Variants in HSD11B1 observed in about 807,000 individuals in gnomAD.
HSD11B1 encodes the protein 11-beta-hydroxysteroid dehydrogenase 1.
In HSD11B1, 15 loss-of-function variants were observed where a neutral mutation model predicts 22.1. The ratio of observed to expected loss-of-function variants is 0.68; its 90% confidence interval spans 0.45 to 1.04. The LOEUF (loss-of-function observed/expected upper bound fraction) is 1.04, where lower values mean the gene tolerates loss of function less well. Ranked by LOEUF, HSD11B1 falls within the 50% of genes least tolerant of loss-of-function variation. The probability of loss-of-function intolerance (pLI) is 0.00; values close to 1 mark genes in which losing one functional copy is unlikely to be tolerated. For missense variants in HSD11B1, 281 were observed against 357.6 expected (o/e 0.79, Z 1.73); for synonymous variants, 122 against 125.2 (o/e 0.97, Z 0.17).
chr1:209,714,169 T>A (rs547401670), intron 4 of HSD11B1, among the ~76,000 whole-genome samples: 72 of 152,224 alleles, frequency 4.7e-4, no homozygotes, highest in Non-Finnish European at 6.8e-4. Context: ...GCCAAGTTGT[T>A]ACTGTATTGT....
At chr1:209,711,213 G>A (rs2076892704) in intron 4 of HSD11B1, among the ~76,000 whole-genome samples, 1 of 152,148 alleles carries the variant, frequency 6.6e-6, no homozygotes, top group Non-Finnish European at 1.5e-5. Flanking sequence ...CTATAATGAT[G>A]TTTTGCATAG....
At chr1:209,700,545 G>A (rs1192917412), upstream of HSD11B1, among the ~76,000 whole-genome samples, 1 of 152,210 alleles carries the variant, frequency 6.6e-6, no homozygotes, top group Non-Finnish European at 1.5e-5. Context: ...GGGAGGGGCT[G>A]CCATGAAGGT....
chr1:209,716,366 C>T (rs1318179122), intron 4 of HSD11B1, among the ~76,000 whole-genome samples: 5 of 149,148 alleles, frequency 3.4e-5, no homozygotes, highest in East Asian at 1.9e-4. Flanking sequence ...TAAATTTAAC[C>T]GAGGAGGTGA....
chr1:209,728,353 A>G (rs2077015910), intron 4 of HSD11B1, among the ~76,000 whole-genome samples: 1 of 152,188 alleles, frequency 6.6e-6, no homozygotes, highest in African/African-American at 2.4e-5. Flanking sequence ...TTTGAATACT[A>G]ATACTGCTAA....
At chr1:209,693,329 T>C (rs2076772260) in intron 1 of HSD11B1, among the ~76,000 whole-genome samples, 1 of 152,236 alleles carries the variant, frequency 6.6e-6, no homozygotes, top group Non-Finnish European at 1.5e-5. Flanking sequence ...AGGTATATGC[T>C]GTGGTCAATA....
At chr1:209,729,543 A>G (rs1325370683) in intron 4 of HSD11B1, among the ~76,000 whole-genome samples, 28 of 152,208 alleles carry the variant, frequency 1.8e-4, no homozygotes, top group Admixed American at 1.8e-3. Context: ...CTCATGGTCC[A>G]AGATAGGTCT....
chr1:209,732,387 A>T, intron 4 of HSD11B1, 49 bp from the exon 5 acceptor site: 1 of 1,609,710 alleles, frequency 6.2e-7, no homozygotes, highest in Non-Finnish European at 8.5e-7. Context: ...CTCTGTAAGA[A>T]GGTGAAATGG....
chr1:209,723,522 C>A (rs1020796101), intron 4 of HSD11B1, among the ~76,000 whole-genome samples: 4 of 152,188 alleles, frequency 2.6e-5, no homozygotes, highest in African/African-American at 9.7e-5. Context: ...GATGGCAACA[C>A]TTTTCTGGTT....
At chr1:209,719,652 G>A (rs776850554) in intron 4 of HSD11B1, among the ~76,000 whole-genome samples, 5 of 152,158 alleles carry the variant, frequency 3.3e-5, no homozygotes, top group South Asian at 4.1e-4. Context: ...GTGAGAACGC[G>A]CAATGTTTGA....
chr1:209,700,424 G>A (rs1379999165), upstream of HSD11B1, among the ~76,000 whole-genome samples: 2 of 152,210 alleles, frequency 1.3e-5, no homozygotes, highest in African/African-American at 4.8e-5. Context: ...GCTCCTTTCA[G>A]GCTCCTTTCA....
At chr1:209,732,415 T>C (rs1049753223) in intron 4 of HSD11B1, 21 bp from the exon 5 acceptor site, 1 of 1,613,886 alleles carries the variant, frequency 6.2e-7, no homozygotes, top group Non-Finnish European at 8.5e-7. Context: ...TATTAACCCA[T>C]TTCTTTAATC....
At chr1:209,694,365 C>T (rs964879515) in intron 1 of HSD11B1, among the ~76,000 whole-genome samples, 5 of 152,176 alleles carry the variant, frequency 3.3e-5, no homozygotes, top group African/African-American at 1.2e-4. Context: ...CCAGAACTAT[C>T]TAATGGGAAA....
rs1363481053 is a variant in HSD11B1, at chr1:209,689,874, A to G, written c.-49+3589A>G. 2.0e-5 allele frequency among the ~76,000 whole-genome samples: 3 copies of G among 152,372 alleles called. No homozygotes were observed. In the East Asian group the frequency reaches 5.8e-4, roughly 29 times the overall value. On this transcript the variant is annotated intron_variant, in intron 1 of 6. Transcript: ENST00000261465. ...CAGACTAAGACACCGGGCATGGGAC[A>G]AAAGCCTTAGATACTGGAGACCTCA... is the stretch of plus-strand genomic sequence containing the variant.
intron 1 of HSD11B1, among the ~76,000 whole-genome samples, chr1:209,698,162 A>AT (rs1459227654): frequency 3.9e-5 from 5 of 127,404 alleles, no homozygotes; most frequent in Admixed American, 1.7e-4. Flanking sequence ...GATAAGATAG[A>AT]TAGATTAGAT....
chr1:209,697,883 C>CTTTTTTTTTTTTTTTT (rs1558187212), intron 1 of HSD11B1, among the ~76,000 whole-genome samples: 6 of 21,940 alleles, frequency 2.7e-4, no homozygotes, highest in African/African-American at 4.2e-4. Context: ...TTTGTTTTTT[C>CTTTTTTTTTTTTTTTT]CTTTTTTTTT....
chr1:209,719,257 G>A (rs1473712515), intron 4 of HSD11B1, among the ~76,000 whole-genome samples: 1 of 152,108 alleles, frequency 6.6e-6, no homozygotes, highest in Non-Finnish European at 1.5e-5. Flanking sequence ...CAACATGGCT[G>A]GACCTTGAGG....
At chr1:209,722,146 TAGA>T (rs1238589503) in intron 4 of HSD11B1, among the ~76,000 whole-genome samples, 2 of 152,192 alleles carry the variant, frequency 1.3e-5, no homozygotes, top group Non-Finnish European at 2.9e-5. Context: ...ATTCTTGCCT[TAGA>T]AGATGTGCTG....
chr1:209,690,885 A>G (rs1558184616), intron 1 of HSD11B1, among the ~76,000 whole-genome samples: 1 of 152,156 alleles, frequency 6.6e-6, no homozygotes, highest in Non-Finnish European at 1.5e-5. Flanking sequence ...AGCACAGAGC[A>G]AATGAAAGAG....
At position 209,732,540 on chromosome 1, in the gene HSD11B1, G is replaced by A. The variant is rs1053283682; in HGVS notation, c.622G>A (p.Val208Ile). 1 of 1,613,802 alleles carries A rather than the reference G, an allele frequency of 6.2e-7. No individual in the cohort carries two copies. Among genetic ancestry groups the A allele is most frequent in the African/African-American group, 1.3e-5 (1 of 74,894 alleles). ...RKEYSVSRVN[V>I]SITLCVLGLI... ...GGAATATTCAGTGTCCAGGGTCAAT[G>A]TATCAATCACTCTCTGTGTTCTTGG... Residue 208 changes from valine (V) to isoleucine (I), a missense_variant, in exon 5 of 6, where the codon GTA (valine) becomes ATA (isoleucine). Coordinates refer to ENST00000367027, the MANE Select transcript of HSD11B1 (RefSeq NM_005525.4).
Sources: gnomAD v4.1 joint callset for allele counts (sites outside exome capture counted in the v4.1 genomes callset) on GRCh38, gnomAD v4.1.1 for gene constraint, MANE v1.5 for transcripts, NCBI Gene and HGNC (gene_info 2026-07-23, HGNC 2026-07-21) for gene names.